Variants in NRXN3 observed in about 807,000 individuals in gnomAD.
NRXN3 encodes the protein neurexin III.
NRXN3 carries 32 observed loss-of-function variants against 137.6 expected under a neutral mutation model. That is an observed-to-expected ratio of 0.23 (90% CI 0.18 to 0.31). The LOEUF (loss-of-function observed/expected upper bound fraction) is 0.31, where lower values mean the gene tolerates loss of function less well. Ranked by LOEUF, NRXN3 falls within the 10% of genes least tolerant of loss-of-function variation. The pLI is 1.00. For missense variants in NRXN3, 1,574 were observed against 2,062.5 expected (o/e 0.76, Z 4.59); for synonymous variants, 798 against 784.5 (o/e 1.02, Z -0.29).
chr14:78,460,325 A>G (rs993541671), intron 4 of NRXN3, among the ~76,000 whole-genome samples: 4 of 152,198 alleles, frequency 2.6e-5, no homozygotes, highest in African/African-American at 9.6e-5. Flanking sequence ...GATCAACTCA[A>G]TCTTTAGCCC....
rs184296857 is a variant in NRXN3, at chr14:79,234,039, T to C, written c.3263-233182T>C. The stretch of plus-strand genomic sequence containing the variant: ...TTTTATTATAAAGGAAATAGCACTT[T>C]CACCTCTGGGAGTGAATAGGGGCTT... On this transcript the variant is annotated intron_variant, in intron 15 of 20. Coordinates refer to ENST00000335750, the MANE Select transcript of NRXN3 (RefSeq NM_001330195.2). 1.6e-3 allele frequency among the ~76,000 whole-genome samples: 244 copies of C among 151,590 alleles called. 2 individuals are homozygous for C. Among genetic ancestry groups the C allele is most frequent in the African/African-American group, 5.5e-3 (227 of 41,350 alleles).
intron 10 of NRXN3, among the ~76,000 whole-genome samples, chr14:78,814,882 A>G (rs8022895): frequency 0.12 from 18,356 of 152,166 alleles, 1,491 homozygotes; most frequent in African/African-American, 0.21. Context: ...CTTTCAAGCC[A>G]TGTGCAGTAT....
At chr14:78,544,546 T>C (rs1414496941) in intron 4 of NRXN3, among the ~76,000 whole-genome samples, 2 of 152,230 alleles carry the variant, frequency 1.3e-5, no homozygotes, top group Non-Finnish European at 2.9e-5. Context: ...AATTCCCAAA[T>C]AGCCCTAGAC....
At chr14:79,275,734 G>GC (rs1000645968) in intron 15 of NRXN3, among the ~76,000 whole-genome samples, 1 of 151,626 alleles carries the variant, frequency 6.6e-6, no homozygotes, top group African/African-American at 2.4e-5. Context: ...GTGAGGATGG[G>GC]GGGGGGGACA....
intron 10 of NRXN3, among the ~76,000 whole-genome samples, chr14:78,845,645 CA>C (rs1028964148): frequency 3.3e-5 from 5 of 151,916 alleles, no homozygotes; most frequent in African/African-American, 1.2e-4. Flanking sequence ...TTAGTGTAGG[CA>C]AAAGGTAGAG....
intron 10 of NRXN3, among the ~76,000 whole-genome samples, chr14:78,867,780 T>C (rs950929281): frequency 6.6e-6 from 1 of 152,126 alleles, no homozygotes; most frequent in African/African-American, 2.4e-5. Flanking sequence ...CCTCCAATTA[T>C]ACTTCCATGC....
intron 1 of NRXN3, among the ~76,000 whole-genome samples, chr14:78,197,497 C>T (rs1024899229): frequency 6.6e-6 from 1 of 152,194 alleles, no homozygotes; most frequent in Non-Finnish European, 1.5e-5. Context: ...TCTTAGGCAA[C>T]CGGCAGGCTG....
chr14:78,390,382 C>G (rs1395583027), intron 4 of NRXN3, among the ~76,000 whole-genome samples: 2 of 152,108 alleles, frequency 1.3e-5, no homozygotes, highest in African/African-American at 4.8e-5. Flanking sequence ...AAAGCCTAAT[C>G]TGCTTTGCTG....
chr14:79,364,570 C>A (rs1024161122), intron 15 of NRXN3, among the ~76,000 whole-genome samples: 12 of 152,206 alleles, frequency 7.9e-5, no homozygotes, highest in African/African-American at 2.9e-4. Context: ...CAATAAGCTT[C>A]CATTAAACCA....
chr14:78,487,782 A>G (rs1567730569), intron 4 of NRXN3, among the ~76,000 whole-genome samples: 3 of 140,116 alleles, frequency 2.1e-5, no homozygotes, highest in East Asian at 2.0e-4. Context: ...TAAATAAATA[A>G]ATAAATAAAG....
At chr14:78,561,254 T>C (rs976530002) in intron 4 of NRXN3, among the ~76,000 whole-genome samples, 9 of 152,164 alleles carry the variant, frequency 5.9e-5, no homozygotes, top group Non-Finnish European at 1.3e-4. Context: ...CCAAAGCAGG[T>C]CACATGATCA....
intron 15 of NRXN3, among the ~76,000 whole-genome samples, chr14:79,376,748 G>T (rs1566951916): frequency 2.0e-5 from 3 of 152,208 alleles, no homozygotes; most frequent in African/African-American, 7.2e-5. Flanking sequence ...TCTCCAAGGT[G>T]TGGTGTGTTT....
intron 15 of NRXN3, among the ~76,000 whole-genome samples, chr14:79,165,995 A>T (rs1213310224): frequency 1.3e-5 from 2 of 152,018 alleles, no homozygotes; most frequent in African/African-American, 4.8e-5. Flanking sequence ...GCAACTGGGG[A>T]TCAGGAAGAG....
At chr14:78,261,653 A>G (rs140895046) in intron 2 of NRXN3, among the ~76,000 whole-genome samples, 300 of 152,302 alleles carry the variant, frequency 2.0e-3, no homozygotes, top group African/African-American at 6.9e-3. Flanking sequence ...TCCCCAACTC[A>G]TGCATTTTAT....
At chr14:79,379,376 G>A (rs970758211) in intron 15 of NRXN3, among the ~76,000 whole-genome samples, 9 of 152,140 alleles carry the variant, frequency 5.9e-5, no homozygotes, top group African/African-American at 9.7e-5. Flanking sequence ...GGTACATTCC[G>A]TAAAGTGTTG....
chr14:79,290,285 G>A (rs972719462), intron 15 of NRXN3, among the ~76,000 whole-genome samples: 1 of 152,122 alleles, frequency 6.6e-6, no homozygotes, highest in Non-Finnish European at 1.5e-5. Context: ...AAATGAACTC[G>A]GGGTGAGCCA....
intron 4 of NRXN3, among the ~76,000 whole-genome samples, chr14:78,338,040 C>G (rs2153578358): frequency 6.6e-6 from 1 of 152,168 alleles, no homozygotes; most frequent in African/African-American, 2.4e-5. Context: ...GTGTATTTCT[C>G]TCTTCCCTTT....
chr14:79,114,413 T>G (rs574357497), intron 15 of NRXN3, among the ~76,000 whole-genome samples: 1 of 152,136 alleles, frequency 6.6e-6, no homozygotes, highest in Non-Finnish European at 1.5e-5. Flanking sequence ...TAGGCTAGAG[T>G]GCAGTAGCAC....
intron 1 of NRXN3, among the ~76,000 whole-genome samples, chr14:78,239,178 C>G (rs929604890): frequency 6.6e-6 from 1 of 152,346 alleles, no homozygotes; most frequent in South Asian, 2.1e-4. Context: ...AGCTCCATGA[C>G]GAGGCCCTGT....
Sources: allele counts gnomAD v4.1 joint callset (sites outside exome capture counted in the v4.1 genomes callset), GRCh38; gene constraint gnomAD v4.1.1; transcripts MANE v1.5; gene names NCBI Gene and HGNC (gene_info 2026-07-23, HGNC 2026-07-21).